PTBP3: variants seen among roughly 807,000 people sequenced by gnomAD.
PTBP3 encodes the protein polypyrimidine tract binding protein 3.
PTBP3 carries 20 observed loss-of-function variants against 58.7 expected under a neutral mutation model. The observed-to-expected ratio is 0.34, with a 90% CI of 0.24 to 0.50. The LOEUF (loss-of-function observed/expected upper bound fraction) is 0.50, where lower values mean the gene tolerates loss of function less well. PTBP3 is among the 20% of genes least tolerant of loss of function. PTBP3 has a pLI of 0.98. For missense variants in PTBP3, 509 were observed against 637.2 expected, an observed-to-expected ratio of 0.80 and a Z score of 2.17; for synonymous variants, 185 against 219.8, an observed-to-expected ratio of 0.84 and a Z score of 1.40.
rs1352254891 is a variant in PTBP3, at chr9:112,255,737, G to A, written c.517-2949C>T. On this transcript the variant is annotated intron_variant, in intron 5 of 13. Transcript: ENST00000374257. ...ACTACTCTATTTACATCAACAATATGTAGTTGCCTATAGTTCTCCAAATTT... is the reference window on the plus strand; with the variant it reads ...ACTACTCTATTTACATCAACAATATATAGTTGCCTATAGTTCTCCAAATTT... Among the ~76,000 whole-genome samples the A allele has an allele frequency of 2.0e-5, 3 of 152,092 alleles. 1 individual carries two copies. The highest frequency in any genetic ancestry group is 7.2e-5 in the African/African-American group (3 of 41,414).
chr9:112,227,575 T>C lies in PTBP3; in HGVS notation c.1200A>G (p.Thr400=), dbSNP rs779603184. The C allele has an allele frequency of 1.9e-6, 3 of 1,613,990 alleles. No homozygotes were observed. The highest frequency in any genetic ancestry group is 2.5e-6 in the Non-Finnish European group (3 of 1,179,930). ...QRLYGKVLRA[T]LSKHQAVQLP... ...GCTGTACTGCTTGATGTTTGGACAG[T>C]GTAGCACGAAGCACTTTCCCATAAA... Residue 400 remains threonine (T), a synonymous_variant, in exon 12 of 14, where the codon ACA becomes ACG. Coordinates refer to ENST00000374257, the MANE Select transcript of PTBP3 (RefSeq NM_001163788.4).
intron 1 of PTBP3, chr9:112,330,620 A>G (rs138990629): frequency 1.6e-4 from 90 of 578,834 alleles, no homozygotes; most frequent in Middle Eastern, 9.3e-4. Flanking sequence ...AAATATTAAT[A>G]CAAAGAAAAA....
At position 112,223,819 on chromosome 9, in the gene PTBP3, G is replaced by C; in HGVS notation, c.*32C>G. 2 of 1,612,940 alleles carry C rather than the reference G, an allele frequency of 1.2e-6. No homozygotes were observed. Among genetic ancestry groups the C allele is most frequent in the Non-Finnish European group, 1.7e-6 (2 of 1,179,508 alleles). ...GTCTGAAGGTTTTACTGAAATTATG[G>C]TCCAGTTTTAGGAGAAAAATTCACA... is the stretch of plus-strand genomic sequence containing the variant. On this transcript the variant is annotated 3_prime_UTR_variant, in exon 14 of 14. Coordinates refer to ENST00000374257, the MANE Select transcript of PTBP3 (RefSeq NM_001163788.4).
intron 3 of PTBP3, among the ~76,000 whole-genome samples, chr9:112,275,418 A>G (rs1827568564): frequency 6.6e-6 from 1 of 152,180 alleles, no homozygotes; most frequent in Non-Finnish European, 1.5e-5. Context: ...TACAGGCGTG[A>G]GCCACTGCAC....
the PTBP3 span, among the ~76,000 whole-genome samples, chr9:112,360,136 G>C: frequency 6.6e-6 from 1 of 152,244 alleles, no homozygotes; most frequent in East Asian, 1.9e-4. Flanking sequence ...GGAGTTCTAC[G>C]CAGAAGGCTT....
intron 10 of PTBP3, among the ~76,000 whole-genome samples, chr9:112,229,164 C>T (rs906835413): frequency 6.6e-6 from 1 of 152,054 alleles, no homozygotes; most frequent in African/African-American, 2.4e-5. Context: ...AAAATTAAAG[C>T]CAACAGGTTC....
the PTBP3 span, among the ~76,000 whole-genome samples, chr9:112,356,233 C>T: frequency 5.3e-5 from 8 of 152,226 alleles, no homozygotes; most frequent in African/African-American, 1.9e-4. Flanking sequence ...CCCGCCTCGG[C>T]GTCCCAAAGT....
chr9:112,244,084 G>A (rs895923061), intron 7 of PTBP3, among the ~76,000 whole-genome samples: 2 of 151,490 alleles, frequency 1.3e-5, no homozygotes, highest in South Asian at 2.1e-4. Context: ...GGTGGATCAC[G>A]AGGTCAGGAG....
intron 7 of PTBP3, among the ~76,000 whole-genome samples, chr9:112,244,043 T>C (rs2132039906): frequency 6.6e-6 from 1 of 151,992 alleles, no homozygotes; most frequent in East Asian, 1.9e-4. Flanking sequence ...GGCTCACACC[T>C]GTAATCCCAA....
chr9:112,342,459 G>A, the PTBP3 span, among the ~76,000 whole-genome samples: 1 of 152,206 alleles, frequency 6.6e-6, no homozygotes, highest in Non-Finnish European at 1.5e-5. Flanking sequence ...GCTCACGCCT[G>A]TAATCCCAAC....
At position 112,221,201 on chromosome 9, in the gene PTBP3, A is replaced by T. The variant is rs1383078125; in HGVS notation, c.*2650T>A. 1.0e-6 allele frequency: 1 copy of T among 985,000 alleles called. No individual in the cohort carries two copies. Among genetic ancestry groups the T allele is most frequent in the African/African-American group, 1.7e-5 (1 of 57,204 alleles). The allele number at this position is 985,000 out of a possible 1,614,324, so 61.0% of individuals were successfully genotyped here. On this transcript the variant is annotated 3_prime_UTR_variant, in exon 14 of 14. Coordinates refer to ENST00000374257, the MANE Select transcript of PTBP3 (RefSeq NM_001163788.4). Reference sequence around the variant, plus strand: ...TTGGTTAATTTTGTCAATAAATTAAAATGTATGTAATGTGCATATGTATAT... The same window carrying T: ...TTGGTTAATTTTGTCAATAAATTAATATGTATGTAATGTGCATATGTATAT...
intron 8 of PTBP3, among the ~76,000 whole-genome samples, chr9:112,232,731 T>C (rs967951042): frequency 1.3e-5 from 2 of 152,244 alleles, no homozygotes; most frequent in South Asian, 2.1e-4. Context: ...TAAAATGCTA[T>C]ATTAAATATT....
chr9:112,279,891 A>T (rs1403780504), intron 2 of PTBP3, among the ~76,000 whole-genome samples: 1 of 135,556 alleles, frequency 7.4e-6, no homozygotes, highest in African/African-American at 2.9e-5. Context: ...AGTACTTCAT[A>T]ATTTTTAATG....
At chr9:112,283,778 C>G (rs1457434944) in intron 2 of PTBP3, among the ~76,000 whole-genome samples, 1 of 152,208 alleles carries the variant, frequency 6.6e-6, no homozygotes, top group Non-Finnish European at 1.5e-5. Flanking sequence ...TAAGAGAAAA[C>G]AACGGTTTCA....
At chr9:112,355,163 G>A in the PTBP3 span, among the ~76,000 whole-genome samples, 1 of 152,264 alleles carries the variant, frequency 6.6e-6, no homozygotes, top group South Asian at 2.1e-4. Context: ...GCTTGGCTTG[G>A]GAAAAGAGGA....
At chr9:112,356,525 C>A in the PTBP3 span, among the ~76,000 whole-genome samples, 1 of 151,010 alleles carries the variant, frequency 6.6e-6, no homozygotes, top group African/African-American at 2.4e-5. Context: ...GCAATAATTC[C>A]ACAACTCTTT....
At chr9:112,350,024 T>C in the PTBP3 span, among the ~76,000 whole-genome samples, 2 of 151,972 alleles carry the variant, frequency 1.3e-5, no homozygotes, top group Admixed American at 1.3e-4. Context: ...TATGAGTGTG[T>C]TTTCCTCAGA....
chr9:112,266,785 A>T lies in PTBP3; in HGVS notation c.351+1264T>A, dbSNP rs1836818264. 2.6e-5 allele frequency among the ~76,000 whole-genome samples: 4 copies of T among 152,194 alleles called. No homozygotes were observed. The South Asian group carries it at 8.3e-4, about 31-fold the overall frequency. The stretch of plus-strand genomic sequence containing the variant: ...TACACACCGAATATTACCACTAGTT[A>T]TTAGTTATCTCTGGGTAACTGGATT... On this transcript the variant is annotated intron_variant, in intron 4 of 13. Coordinates refer to ENST00000374257, the MANE Select transcript of PTBP3 (RefSeq NM_001163788.4).
rs149946592 is a variant in PTBP3 at position 112,324,273 on chromosome 9, A to G, written c.-52+9197T>C. On this transcript the variant is annotated intron_variant, in intron 1 of 13. Coordinates refer to ENST00000374257, the MANE Select transcript of PTBP3 (RefSeq NM_001163788.4). ...GTTTTTTAAAAGTTCTTTAAGGGGA[A>G]GGAAAACATTATAAACTTAGTAAAT... Among the ~76,000 whole-genome samples, 15 of 152,336 alleles carry G rather than the reference A, an allele frequency of 9.8e-5. No individual in the cohort carries two copies. In the East Asian group the frequency reaches 2.9e-3, roughly 29 times the overall value.
Sources: allele counts gnomAD v4.1 joint callset (sites outside exome capture counted in the v4.1 genomes callset), GRCh38; gene constraint gnomAD v4.1.1; transcripts MANE v1.5; gene names NCBI Gene and HGNC (gene_info 2026-07-23, HGNC 2026-07-21).